PDE4D: variants seen among roughly 807,000 people sequenced by gnomAD.
PDE4D encodes 3',5'-cyclic-AMP phosphodiesterase 4D.
Under a neutral mutation model 87.4 loss-of-function variants are expected in PDE4D, and 24 were observed. The ratio of observed to expected loss-of-function variants is 0.27; its 90% CI spans 0.20 to 0.39. The LOEUF (loss-of-function observed/expected upper bound fraction) is 0.39. Among genes scored for constraint, PDE4D ranks in the 10% least tolerant of loss-of-function variants. The probability of loss-of-function intolerance (pLI) is 1.00; values close to 1 mark genes in which losing one functional copy is unlikely to be tolerated. For missense variants in PDE4D, 714 were observed against 1,041.0 expected (o/e 0.69, Z 4.32); for synonymous variants, 384 against 383.2 (o/e 1.00, Z -0.02).
chr5:59,630,148 A>G (rs1426148533), intron 1 of PDE4D, among the ~76,000 whole-genome samples: 2 of 152,224 alleles, frequency 1.3e-5, no homozygotes, highest in African/African-American at 4.8e-5. Flanking sequence ...TGAAGTATGG[A>G]GATACATACA....
intron 1 of PDE4D, among the ~76,000 whole-genome samples, chr5:59,720,622 A>G (rs1755689451): frequency 1.3e-5 from 2 of 152,174 alleles, no homozygotes; most frequent in Admixed American, 1.3e-4. Context: ...ACACAAGATC[A>G]AGTGGTTTAA....
intron 1 of PDE4D, among the ~76,000 whole-genome samples, chr5:59,485,841 G>A (rs991360611): frequency 2.6e-5 from 4 of 152,046 alleles, no homozygotes; most frequent in Non-Finnish European, 4.4e-5. Flanking sequence ...GCTCCCTGAC[G>A]TCAATTCAGA....
intron 1 of PDE4D, chr5:59,430,358 C>A: frequency 4.1e-6 from 5 of 1,231,300 alleles, no homozygotes; most frequent in Non-Finnish European, 3.0e-6. Flanking sequence ...TGAACATAAG[C>A]GCTTCGGAAT....
chr5:59,430,090 G>GA (rs1432054040), intron 1 of PDE4D, among the ~76,000 whole-genome samples: 1 of 152,140 alleles, frequency 6.6e-6, no homozygotes, highest in East Asian at 1.9e-4. Context: ...TACAGACCTT[G>GA]AAACCAGATC....
At chr5:59,551,714 A>G (rs998118815) in intron 1 of PDE4D, among the ~76,000 whole-genome samples, 3 of 152,116 alleles carry the variant, frequency 2.0e-5, no homozygotes, top group African/African-American at 7.2e-5. Context: ...TTCCCATGTT[A>G]GCTTGATTTT....
chr5:59,862,310 G>T (rs766985775), intron 1 of PDE4D, among the ~76,000 whole-genome samples: 13 of 152,096 alleles, frequency 8.5e-5, no homozygotes, highest in Non-Finnish European at 1.6e-4. Context: ...CCAAAATAAT[G>T]CTTGCTTAAA....
intron 1 of PDE4D, among the ~76,000 whole-genome samples, chr5:60,463,871 C>T (rs1747147353): frequency 6.6e-6 from 1 of 152,180 alleles, no homozygotes; most frequent in Non-Finnish European, 1.5e-5. Context: ...TCATGAGAAA[C>T]TACTTGAGCT....
At chr5:59,031,908 T>G (rs982244462) in intron 6 of PDE4D, among the ~76,000 whole-genome samples, 1 of 150,816 alleles carries the variant, frequency 6.6e-6, no homozygotes, top group East Asian at 2.0e-4. Flanking sequence ...AAACAGAGAG[T>G]AGAAAGGTGG....
rs57610513 is a variant in PDE4D, at chr5:59,220,377, CAAAAAAAAAAAA to C, written c.456-4421_456-4410del. ...TAGGCGACAGAGCATGACTCTGTCT[CAAAAAAAAAAAA>C]AAAAAAAAAAAAAGAAAGACAAAAA... On this transcript the variant is annotated intron_variant, in intron 1 of 14. Transcript: ENST00000340635. 1.4e-3 allele frequency among the ~76,000 whole-genome samples: 51 copies of C among 36,164 alleles called. 1 individual carries two copies. In the East Asian group the frequency reaches 0.085, roughly 60 times the overall value. The allele number at this position is 36,164 out of a possible 152,430, so 23.7% of individuals were successfully genotyped here. A position where few individuals can be genotyped will look rare whatever the true frequency, so the allele number is the denominator to read the frequency against.
chr5:60,024,781 G>A lies in PDE4D; in HGVS notation c.43-36064C>T, dbSNP rs1010369417. ...GGAAAACTCTGAAAAATTGTTCCAC[G>A]GAAACATCCATTGAATATATAACAT... On this transcript the variant is annotated intron_variant, in intron 2 of 16. Coordinates refer to the PDE4D transcript ENST00000502484. Among the ~76,000 whole-genome samples, 5 of 152,124 alleles carry A rather than the reference G, an allele frequency of 3.3e-5. No individual in the cohort carries two copies. The South Asian group carries it at 6.2e-4, about 19-fold the overall frequency.
chr5:59,676,173 A>T (rs1042804641), intron 1 of PDE4D, among the ~76,000 whole-genome samples: 9 of 152,170 alleles, frequency 5.9e-5, no homozygotes, highest in African/African-American at 2.2e-4. Flanking sequence ...GTTCTAAGCA[A>T]GGAGAGTGCA....
rs1182947877 is a variant in PDE4D at position 58,977,081 on chromosome 5, AT to A, written c.1707+109del. The stretch of plus-strand genomic sequence containing the variant: ...AGCTTCTATAACATAAAGGGCCATA[AT>A]ATGTTTTGAAATGCAGTTCCTTTTA... On this transcript the variant is annotated intron_variant, in intron 12 of 14. Transcript: ENST00000340635. The A allele has an allele frequency of 2.8e-3, 2,670 of 956,736 alleles. 45 individuals are homozygous for A. In the African/African-American group the frequency reaches 0.039, roughly 14 times the overall value. The allele number at this position is 956,736 out of a possible 1,614,324, so 59.3% of individuals were successfully genotyped here. A position where few individuals can be genotyped will look rare whatever the true frequency, so the allele number is the denominator to read the frequency against.
intron 1 of PDE4D, among the ~76,000 whole-genome samples, chr5:59,364,976 G>A (rs1287477423): frequency 2.0e-5 from 3 of 151,978 alleles, no homozygotes; most frequent in Non-Finnish European, 4.4e-5. Context: ...GTAGTCAATG[G>A]TGAAAACAAT....
At chr5:60,036,827 G>A (rs1267215526) in intron 2 of PDE4D, among the ~76,000 whole-genome samples, 1 of 152,140 alleles carries the variant, frequency 6.6e-6, no homozygotes, top group Non-Finnish European at 1.5e-5. Context: ...ACACTTCAGG[G>A]TCCATTGGTT....
chr5:60,208,846 C>A (rs1231665689), intron 1 of PDE4D, among the ~76,000 whole-genome samples: 1 of 152,188 alleles, frequency 6.6e-6, no homozygotes, highest in Non-Finnish European at 1.5e-5. Context: ...CACTATCCAG[C>A]ATGCAGAAGT....
intron 2 of PDE4D, among the ~76,000 whole-genome samples, chr5:60,023,898 T>C (rs1023146223): frequency 1.2e-4 from 18 of 152,322 alleles, no homozygotes; most frequent in Admixed American, 3.9e-4. Flanking sequence ...ACCACAGATA[T>C]CACTAATAAT....
At chr5:60,122,649 G>A (rs1417431302) in intron 2 of PDE4D, among the ~76,000 whole-genome samples, 2 of 152,138 alleles carry the variant, frequency 1.3e-5, no homozygotes, top group African/African-American at 2.4e-5. Flanking sequence ...TTTTCTCCTA[G>A]GCTTCCAGGC....
At position 59,210,855 on chromosome 5, in the gene PDE4D, AACTTAT is replaced by A. The variant is rs374881651; in HGVS notation, c.647+4916_647+4921del. Among the ~76,000 whole-genome samples the A allele has an allele frequency of 3.3e-3, 510 of 152,306 alleles. 2 individuals carry two copies. The highest frequency in any genetic ancestry group is 0.012 in the African/African-American group (479 of 41,578). On this transcript the variant is annotated intron_variant, in intron 2 of 14. Coordinates refer to ENST00000340635, the MANE Select transcript of PDE4D (RefSeq NM_001104631.2). ...TTAAAACTTAAGTAGTTTGACAGGTAACTTATACTTAATAAATTCATAGTTTTGTGA... is the reference window on the plus strand; with the variant it reads ...TTAAAACTTAAGTAGTTTGACAGGTAACTTAATAAATTCATAGTTTTGTGA...
chr5:60,290,537 C>T (rs1752803640), intron 1 of PDE4D, among the ~76,000 whole-genome samples: 1 of 152,104 alleles, frequency 6.6e-6, no homozygotes, highest in Admixed American at 6.5e-5. Flanking sequence ...GGAGTGGTGG[C>T]TCACACCTGT....
Sources: gnomAD v4.1 joint callset for allele counts (sites outside exome capture counted in the v4.1 genomes callset) on GRCh38, gnomAD v4.1.1 for gene constraint, MANE v1.5 for transcripts, NCBI Gene and HGNC (gene_info 2026-07-23, HGNC 2026-07-21) for gene names.